LILRB3: variants seen among roughly 807,000 people sequenced by gnomAD.
LILRB3 encodes the protein leukocyte immunoglobulin like receptor B3, also known as leukocyte immunoglobulin-like receptor subfamily B member 3.
Under a neutral mutation model 68.2 loss-of-function variants are expected in LILRB3, and 32 were observed. That is an observed-to-expected ratio of 0.47 (90% CI 0.35 to 0.63). The LOEUF (loss-of-function observed/expected upper bound fraction) is 0.63. LILRB3 is among the 30% of genes least tolerant of loss of function. The pLI is 0.00. For synonymous variants in LILRB3, 185 were observed against 323.1 expected (o/e 0.57, Z 4.58); for missense variants, 502 against 791.3 (o/e 0.63, Z 4.39).
At chr19:54,219,330 G>A (rs1406153951) in intron 7 of LILRB3, 85 bp from the exon 8 acceptor site, 23 of 1,489,754 alleles carry the variant, frequency 1.5e-5, no homozygotes, top group Non-Finnish European at 1.9e-5. Context: ...TCTTTCCTTC[G>A]TGACCTCCAA....
intron 10 of LILRB3, 110 bp from the exon 11 acceptor site, chr19:54,218,523 A>G: frequency 1.2e-6 from 2 of 1,602,250 alleles, no homozygotes; most frequent in East Asian, 2.2e-5. Flanking sequence ...GAGGTCCCAC[A>G]GTGTGGGGCA....
rs984127275 is a variant in LILRB3, at chr19:54,217,235, G to A, written c.1754C>T (p.Ala585Val). ...CACATCCTGGGAGGCTTCAGATGCA[G>A]CAGCCTGCAGCGGGGGAGAGTGAGA... Residue 585 changes from alanine (A) to valine (V), a missense_variant, in exon 13 of 13, where the codon GCT (alanine) becomes GTT (valine). Physicochemically the swap from Ala to Val is moderately conservative, Grantham distance 64. Around this residue, in one of 8 missense-constraint regions of LILRB3, gnomAD observed 267 missense variants for 245.5 expected, o/e 1.09. Transcript: ENST00000445347. 3.1e-6 allele frequency: 5 copies of A among 1,610,162 alleles called. No homozygotes were observed. In the African/African-American group the frequency reaches 6.9e-5, roughly 22 times the overall value.
rs114144633 is a variant in LILRB3, at chr19:54,219,015, C to T, written c.1426+114G>A. 4.0e-3 allele frequency: 6,136 copies of T among 1,523,946 alleles called. 234 individuals are homozygous for T. In the African/African-American group the frequency reaches 0.077, roughly 19 times the overall value. The allele number at this position is 1,523,946 out of a possible 1,614,324, so 94.4% of individuals were successfully genotyped here. ...AGTTTGTAAATGCGTATTGAAATTA[C>T]GTGCCCCTGGAACCGGTTTTCTAAA... On this transcript the variant is annotated intron_variant, in intron 8 of 12. Coordinates refer to ENST00000445347, the Ensembl canonical transcript of LILRB3.
chr19:54,216,774 C>T, exon 13 of LILRB3: 1 of 1,225,562 alleles, frequency 8.2e-7, no homozygotes, highest in Non-Finnish European at 1.0e-6. Flanking sequence ...GCCTCAGCAG[C>T]CTTAACTTCT....
chr19:54,218,541 C>A (rs559393731), intron 10 of LILRB3, 104 bp downstream of exon 10: 23 of 1,603,524 alleles, frequency 1.4e-5, no homozygotes, highest in Non-Finnish European at 1.5e-5. Context: ...GCAAGACCAT[C>A]TTCCACGGAG....
At chr19:54,216,435 G>C (rs1298628765) in exon 13 of LILRB3, 1 of 165,590 alleles carries the variant, frequency 6.0e-6, no homozygotes, top group Admixed American at 6.6e-5. Context: ...TCAGCCTCCT[G>C]AGTAGCTGGG....
chr19:54,222,796 C>G lies in LILRB3; in HGVS notation c.35-14G>C. ...CCAGACTCAGCCCTGGAAGAGAGTT[C>G]CCTGTGAGGCATTTGCCCTGAAGCC... On this transcript the variant is annotated splice_polypyrimidine_tract_variant and intron_variant, in intron 1 of 12. Transcript: ENST00000445347. The G allele has an allele frequency of 3.7e-6, 6 of 1,612,654 alleles. No homozygotes were observed. The highest frequency in any genetic ancestry group is 1.1e-5 in the South Asian group (1 of 91,034).
At chr19:54,221,871 C>G in exon 4 of LILRB3, 1 of 1,529,810 alleles carries the variant, frequency 6.5e-7, no homozygotes, top group Non-Finnish European at 8.9e-7. Flanking sequence ...GGGACCACAC[C>G]CAGGGGGTGT....
Position 54,219,171 on chromosome 19 carries a change from G to T in LILRB3, c.1384C>A (p.Leu462Ile). 1 of 1,608,312 alleles carries T rather than the reference G, an allele frequency of 6.2e-7. No homozygotes were observed. The highest frequency in any genetic ancestry group is 2.2e-5 in the East Asian group (1 of 44,822). ...CTGTGACGCTGACGGAGGAGGAGGA[G>T]GAAGAGGAGGAGGAAGAGCAGCAGG... The change falls in exon 8 of 13, where the codon CTC becomes ATC. Residue 462 changes from leucine to isoleucine, a missense_variant. Leu to Ile is a conservative substitution (Grantham distance 5, BLOSUM62 2). Transcript: ENST00000445347.
chr19:54,219,622 C>T, intron 7 of LILRB3: 1 of 1,519,886 alleles, frequency 6.6e-7, no homozygotes, highest in Non-Finnish European at 8.8e-7. Context: ...GGGACAGGCC[C>T]CTGTGGAATC....
rs150335677 is a variant in LILRB3, at chr19:54,218,724, G to A, written c.1502+39C>T. Reference sequence around the variant, plus strand: ...GAGTGTGAGGGGCAGTGTATGGGCTGTGGTGGGTGGGAGTCTGTGGTCTTT... The same window carrying A: ...GAGTGTGAGGGGCAGTGTATGGGCTATGGTGGGTGGGAGTCTGTGGTCTTT... On this transcript the variant is annotated intron_variant, in intron 9 of 12. Transcript: ENST00000445347. 1.1e-3 allele frequency: 1,697 copies of A among 1,614,128 alleles called. 14 individuals carry two copies. The African/African-American group carries it at 0.017, about 16-fold the overall frequency.
In LILRB3 at chr19:54,217,466, G is replaced by A. The variant is rs370767379; in HGVS notation, c.1602C>T (p.His534=). ...ACGTCACTGCCTGGGGGTCTTCATC[G>A]TGTGGGCTCTGCTGGAGAGAGACAG... is the stretch of plus-strand genomic sequence containing the variant. Residue 534 remains histidine (H), a synonymous_variant, in exon 12 of 13, where the codon CAC becomes CAT. Coordinates refer to ENST00000445347, the Ensembl canonical transcript of LILRB3. 2.0e-4 allele frequency: 321 copies of A among 1,608,756 alleles called. 2 individuals are homozygous for A. The highest frequency in any genetic ancestry group is 1.9e-3 in the South Asian group (170 of 90,774).
At chr19:54,217,238 G>A (rs781765474) in exon 13 of LILRB3, 4 of 1,610,380 alleles carry the variant, frequency 2.5e-6, no homozygotes, top group Non-Finnish European at 3.4e-6. Context: ...AGATGCAGCA[G>A]CCTGCAGCGG....
intron 11 of LILRB3, 122 bp from the exon 12 acceptor site, chr19:54,217,596 G>A (rs945061841): frequency 1.9e-4 from 255 of 1,308,872 alleles, no homozygotes; most frequent in Non-Finnish European, 2.6e-4. Flanking sequence ...TCTCAGGGAC[G>A]CCCTAAGGCC....
rs2147361016 is a variant in LILRB3, at chr19:54,221,603, T to G, written c.659-224A>C. 2.0e-6 allele frequency: 3 copies of G among 1,510,918 alleles called. No individual in the cohort carries two copies. In the East Asian group the frequency reaches 7.4e-5, roughly 37 times the overall value. 93.6% of individuals were successfully genotyped at this position (1,510,918 alleles called of 1,614,324 possible). On this transcript the variant is annotated intron_variant, in intron 4 of 12. Coordinates refer to ENST00000445347, the Ensembl canonical transcript of LILRB3. ...CCTCCTCTCCCTGAGAGCTGGGACC[T>G]CACAGCAAACACACCGATGCCTTCC...
chr19:54,219,020 C>G, intron 8 of LILRB3, 109 bp downstream of exon 8: 1 of 1,526,098 alleles, frequency 6.6e-7, no homozygotes, highest in Non-Finnish European at 8.8e-7. Context: ...AATTACGTGC[C>G]CCTGGAACCG....
chr19:54,221,031 G>C, intron 5 of LILRB3, 52 bp downstream of exon 5: 1 of 1,340,334 alleles, frequency 7.5e-7, no homozygotes, highest in Middle Eastern at 2.6e-4. Context: ...GGCTCCCCCG[G>C]CAGGGCCTGT....
In LILRB3 at chr19:54,222,276, A is replaced by T. The variant is rs2078266667; in HGVS notation, c.355+2T>A. On this transcript the variant is annotated splice_donor_variant, in intron 3 of 12. Coordinates refer to ENST00000445347, the Ensembl canonical transcript of LILRB3. LOFTEE classifies it high-confidence loss of function. ...GGCTGGGACCCCAGAGTGTCCTCTCACCTGTCATCACCAGCTCCAGGGGGT... is the reference window on the plus strand; with the variant it reads ...GGCTGGGACCCCAGAGTGTCCTCTCTCCTGTCATCACCAGCTCCAGGGGGT... 6.2e-7 allele frequency: 1 copy of T among 1,610,712 alleles called. No homozygotes were observed. The highest frequency in any genetic ancestry group is 8.5e-7 in the Non-Finnish European group (1 of 1,179,314).
Position 54,218,355 on chromosome 19 carries a change from T to G in LILRB3, c.1593+6A>C. The stretch of plus-strand genomic sequence containing the variant: ...CTTTGGTGCCTGGGACGGGGCGGGA[T>G]CTCACCTGACTGTCCAGCTCCACCC... On this transcript the variant is annotated splice_donor_region_variant and intron_variant, in intron 11 of 12. Transcript: ENST00000445347. 1 of 1,613,970 alleles carries G rather than the reference T, an allele frequency of 6.2e-7. No homozygotes were observed. Among genetic ancestry groups the G allele is most frequent in the South Asian group, 1.1e-5 (1 of 91,070 alleles).
Sources: allele counts gnomAD v4.1 joint callset, GRCh38; gene constraint gnomAD v4.1.1; regional missense constraint gnomAD v4.1.1; transcripts MANE v1.5; gene names NCBI Gene and HGNC (gene_info 2026-07-23, HGNC 2026-07-21).